Variants in MOB3B observed in about 807,000 individuals in gnomAD.
MOB3B encodes MOB kinase activator-like 2B.
A neutral mutation model predicts 18.7 loss-of-function variants in MOB3B; 7 were observed. The ratio of observed to expected loss-of-function variants is 0.37; its 90% CI spans 0.21 to 0.70. The LOEUF (loss-of-function observed/expected upper bound fraction) is 0.70. Among genes scored for constraint, MOB3B ranks in the 30% least tolerant of loss-of-function variants. MOB3B has a pLI of 0.52. For missense variants in MOB3B, 253 were observed against 281.3 expected (o/e 0.90, Z 0.72); for synonymous variants, 111 against 99.9 (o/e 1.11, Z -0.66).
rs1033387572 is a variant in MOB3B at position 27,353,193 on chromosome 9, G to A, written c.621+5841C>T. 3.3e-5 allele frequency among the ~76,000 whole-genome samples: 5 copies of A among 152,190 alleles called. No homozygotes were observed. The South Asian group carries it at 1.0e-3, about 32-fold the overall frequency. On this transcript the variant is annotated intron_variant, in intron 3 of 3. Coordinates refer to ENST00000262244, the MANE Select transcript of MOB3B (RefSeq NM_024761.5). ...TCAACGTGTGGTCTGGGAACCAGCAGCATCGATATCATCTGGGAGCAAAAT... is the reference window on the plus strand; with the variant it reads ...TCAACGTGTGGTCTGGGAACCAGCAACATCGATATCATCTGGGAGCAAAAT...
intron 2 of MOB3B, among the ~76,000 whole-genome samples, chr9:27,365,642 G>C (rs887163137): frequency 6.6e-6 from 1 of 152,154 alleles, no homozygotes; most frequent in Admixed American, 6.6e-5. Flanking sequence ...CTCAGAACAT[G>C]CCCTTCTCTC....
At chr9:27,353,644 A>G in intron 3 of MOB3B, among the ~76,000 whole-genome samples, 1 of 152,148 alleles carries the variant, frequency 6.6e-6, no homozygotes, top group South Asian at 2.1e-4. Flanking sequence ...TAGCAGGTGC[A>G]TTAGGGTAAA....
chr9:27,354,890 T>C (rs1044031624), intron 3 of MOB3B, among the ~76,000 whole-genome samples: 1 of 152,192 alleles, frequency 6.6e-6, no homozygotes, highest in Non-Finnish European at 1.5e-5. Flanking sequence ...GAACATCCAC[T>C]AACTACAGCC....
intron 1 of MOB3B, among the ~76,000 whole-genome samples, chr9:27,521,136 T>C (rs533155214): frequency 6.6e-6 from 1 of 152,342 alleles, no homozygotes; most frequent in South Asian, 2.1e-4. Context: ...ACATGCCTGC[T>C]TCTTCAACCA....
chr9:27,443,244 C>G (rs1003273286), intron 2 of MOB3B, among the ~76,000 whole-genome samples: 1 of 152,174 alleles, frequency 6.6e-6, no homozygotes, highest in Non-Finnish European at 1.5e-5. Flanking sequence ...AGTCTTCCCA[C>G]TGCATCTTGA....
At chr9:27,423,901 C>T (rs975525670) in intron 2 of MOB3B, among the ~76,000 whole-genome samples, 10 of 152,172 alleles carry the variant, frequency 6.6e-5, no homozygotes, top group South Asian at 2.1e-4. Flanking sequence ...AACAACTATA[C>T]GAAGGAGGTG....
intron 1 of MOB3B, among the ~76,000 whole-genome samples, chr9:27,496,932 AAAAC>A (rs1819911775): frequency 6.6e-6 from 1 of 152,236 alleles, no homozygotes; most frequent in East Asian, 1.9e-4. Context: ...TTCTTGATCT[AAAAC>A]AAATGTTAAT....
chr9:27,484,258 A>G (rs1373965735), intron 1 of MOB3B, among the ~76,000 whole-genome samples: 1 of 152,224 alleles, frequency 6.6e-6, no homozygotes, highest in East Asian at 1.9e-4. Flanking sequence ...AAAAACGGGA[A>G]GAGATAATAA....
chr9:27,478,083 C>G (rs1468265824), intron 1 of MOB3B, among the ~76,000 whole-genome samples: 1 of 152,164 alleles, frequency 6.6e-6, no homozygotes, highest in Non-Finnish European at 1.5e-5. Flanking sequence ...GAACACCAAG[C>G]CTATGTCATG....
At chr9:27,485,029 G>A (rs1198534126) in intron 1 of MOB3B, among the ~76,000 whole-genome samples, 2 of 152,076 alleles carry the variant, frequency 1.3e-5, no homozygotes, top group African/African-American at 2.4e-5. Context: ...AACAGACCAC[G>A]GATCCAAGTT....
intron 1 of MOB3B, among the ~76,000 whole-genome samples, chr9:27,513,910 T>C (rs1439475268): frequency 6.2e-3 from 2 of 322 alleles, no homozygotes; most frequent in Non-Finnish European, 0.018. Context: ...GATGGATGGA[T>C]GGATGGATGG....
intron 3 of MOB3B, among the ~76,000 whole-genome samples, chr9:27,356,814 A>G (rs992739026): frequency 6.6e-6 from 1 of 151,856 alleles, no homozygotes; most frequent in Non-Finnish European, 1.5e-5. Context: ...TGTCCTTGAC[A>G]TTTTCTGAAA....
chr9:27,404,003 C>G (rs1176417983), intron 2 of MOB3B, among the ~76,000 whole-genome samples: 1 of 152,134 alleles, frequency 6.6e-6, no homozygotes, highest in East Asian at 1.9e-4. Context: ...TATAGTCGCT[C>G]TATTGTGCTA....
At chr9:27,342,558 A>G (rs979902792) in intron 3 of MOB3B, among the ~76,000 whole-genome samples, 6 of 151,346 alleles carry the variant, frequency 4.0e-5, no homozygotes, top group African/African-American at 1.5e-4. Flanking sequence ...GCTCACCGCA[A>G]CCTCCCTGCC....
intron 2 of MOB3B, among the ~76,000 whole-genome samples, chr9:27,377,763 A>G (rs1358806220): frequency 6.6e-6 from 1 of 152,250 alleles, no homozygotes; most frequent in Non-Finnish European, 1.5e-5. Context: ...ATGTTCTCTA[A>G]GACTTTCACA....
intron 1 of MOB3B, among the ~76,000 whole-genome samples, chr9:27,456,265 G>C (rs1822869060): frequency 6.6e-6 from 1 of 152,210 alleles, no homozygotes; most frequent in Non-Finnish European, 1.5e-5. Context: ...ATGTGGCATT[G>C]GGTGAGAAGT....
chr9:27,455,815 A>G (rs1587228668), intron 1 of MOB3B, 67 bp from the exon 2 acceptor site: 1 of 1,353,984 alleles, frequency 7.4e-7, no homozygotes, highest in Non-Finnish European at 9.5e-7. Flanking sequence ...ACAGTCTTCA[A>G]CCTGATTTCC....
intron 3 of MOB3B, among the ~76,000 whole-genome samples, chr9:27,342,908 C>T (rs1051547807): frequency 1.3e-5 from 2 of 149,274 alleles, no homozygotes; most frequent in African/African-American, 2.5e-5. Context: ...AAGTGAGGAG[C>T]GTCTCTGCCT....
At position 27,529,605 on chromosome 9, in the gene MOB3B, C is replaced by G. The variant is rs1051036216; in HGVS notation, c.-249G>C. The G allele has an allele frequency of 2.5e-4, 245 of 985,622 alleles. No individual in the cohort carries two copies. The highest frequency in any genetic ancestry group is 2.9e-4 in the Non-Finnish European group (238 of 830,198). 61.1% of individuals were successfully genotyped at this position (985,622 alleles called of 1,614,324 possible). A position where few individuals can be genotyped will look rare whatever the true frequency, so the allele number is the denominator to read the frequency against. ...GCCCGGTCGGCTCCCTTCGCCGGGT[C>G]AGCTGCAGCCAGCGCGAAAGAAAAT... On this transcript the variant is annotated 5_prime_UTR_variant, in exon 1 of 4. The change abolishes the stop of an existing upstream ORF in the 5' untranslated region. Coordinates refer to ENST00000262244, the MANE Select transcript of MOB3B (RefSeq NM_024761.5).
Sources: allele counts gnomAD v4.1 joint callset (sites outside exome capture counted in the v4.1 genomes callset), GRCh38; gene constraint gnomAD v4.1.1; transcripts MANE v1.5; gene names NCBI Gene and HGNC (gene_info 2026-07-23, HGNC 2026-07-21).